Variants in SLC25A29 observed in about 807,000 individuals in gnomAD.
SLC25A29 encodes the protein mitochondrial basic amino acids transporter.
Under a neutral mutation model 10.0 loss-of-function variants are expected in SLC25A29, and 13 were observed. The ratio of observed to expected loss-of-function variants is 1.30; its 90% CI spans 0.85 to 2.07. The LOEUF is 2.07. Ranked by LOEUF, SLC25A29 falls within the 30% of genes most tolerant of loss-of-function variation. The pLI is 0.00. For missense variants in SLC25A29, 475 were observed against 447.6 expected (o/e 1.06, Z -0.55); for synonymous variants, 244 against 221.1 (o/e 1.10, Z -0.92).
At chr14:100,289,215 G>A (rs1256403985), downstream of SLC25A29, among the ~76,000 whole-genome samples, 3 of 152,224 alleles carry the variant, frequency 2.0e-5, no homozygotes, top group Admixed American at 2.0e-4. Flanking sequence ...AGGACACTTG[G>A]CTATTGTTTA....
chr14:100,285,674 C>T, the SLC25A29 span, among the ~76,000 whole-genome samples: 2 of 152,088 alleles, frequency 1.3e-5, no homozygotes, highest in African/African-American at 4.8e-5. Flanking sequence ...TGCACCCCAC[C>T]TGCCCGAGGC....
intron 1 of SLC25A29, among the ~76,000 whole-genome samples, chr14:100,302,169 CCGAA>C: frequency 6.6e-6 from 1 of 151,956 alleles, no homozygotes; most frequent in Non-Finnish European, 1.5e-5. Context: ...TTTCAGCCTC[CCGAA>C]TAGCTGGAAT....
At chr14:100,301,459 C>A (rs1892542570) in intron 1 of SLC25A29, among the ~76,000 whole-genome samples, 1 of 152,030 alleles carries the variant, frequency 6.6e-6, no homozygotes, top group Non-Finnish European at 1.5e-5. Context: ...GCCACCACGC[C>A]CAGCTATTTA....
chr14:100,286,508 G>T (rs531267435), downstream of SLC25A29, among the ~76,000 whole-genome samples: 7 of 151,796 alleles, frequency 4.6e-5, no homozygotes, highest in East Asian at 1.4e-3. Flanking sequence ...GCGCTGGTGG[G>T]GGCGTCTGGC....
chr14:100,293,168 G>GGTCCTGACTGGCCTCCTGGTC, intron 3 of SLC25A29, 126 bp downstream of exon 3: 2 of 1,454,850 alleles, frequency 1.4e-6, no homozygotes, highest in Non-Finnish European at 1.8e-6. Flanking sequence ...TTAGAACCTA[G>GGTCCTGACTGGCCTCCTGGTC]GTCCTGACTG....
rs774723504 is a variant in SLC25A29 at position 100,292,956 on chromosome 14, T to C, written c.239A>G (p.Gln80Arg). The C allele has an allele frequency of 1.9e-6, 3 of 1,604,622 alleles. No individual in the cohort carries two copies. In the African/African-American group the frequency reaches 4.0e-5, roughly 21 times the overall value. ...TFINALVFGV[Q>R]GNTLRALGHD... Reference sequence around the variant, plus strand: ...GCCCAGGGCCCGGAGGGTGTTGCCCTGCACCCCGAACACCAGCGCGTTGAT... The same window carrying C: ...GCCCAGGGCCCGGAGGGTGTTGCCCCGCACCCCGAACACCAGCGCGTTGAT... The change falls in exon 4 of 4, where the codon CAG becomes CGG. Residue 80 changes from glutamine (Q) to arginine (R), a missense_variant. By Grantham distance (43) the Gln-to-Arg change is conservative. Coordinates refer to ENST00000359232, the MANE Select transcript of SLC25A29 (RefSeq NM_001039355.3).
At position 100,292,271 on chromosome 14, in the gene SLC25A29, GC is replaced by G; in HGVS notation, c.*11del. On this transcript the variant is annotated 3_prime_UTR_variant, in exon 4 of 4. Coordinates refer to ENST00000359232, the MANE Select transcript of SLC25A29 (RefSeq NM_001039355.3). ...TGAGAAGGAGCCCTGGGGAAGGAGG[GC>G]GGGGTGAGCGTCACAGGCTGGAGGG... The G allele has an allele frequency of 1.3e-6, 2 of 1,533,754 alleles. No individual in the cohort carries two copies. Among genetic ancestry groups the G allele is most frequent in the Non-Finnish European group, 8.8e-7 (1 of 1,141,304 alleles).
At chr14:100,285,429 T>C in the SLC25A29 span, among the ~76,000 whole-genome samples, 6 of 151,516 alleles carry the variant, frequency 4.0e-5, no homozygotes, top group African/African-American at 1.5e-4. Context: ...AGGAGGGCAC[T>C]GTGCCAGCGG....
rs1353012455 is a variant in SLC25A29, at chr14:100,292,157, C to T, written c.*126G>A. The T allele has an allele frequency of 1.5e-6, 2 of 1,301,732 alleles. No individual in the cohort carries two copies. Among genetic ancestry groups the T allele is most frequent in the African/African-American group, 1.5e-5 (1 of 67,258 alleles). 80.6% of individuals were successfully genotyped at this position (1,301,732 alleles called of 1,614,324 possible). ...AACTACCCAGCTGATCAGCAAAATTCAGCCCACGTCTGATAGACTCCACAG... is the reference window on the plus strand; with the variant it reads ...AACTACCCAGCTGATCAGCAAAATTTAGCCCACGTCTGATAGACTCCACAG... On this transcript the variant is annotated 3_prime_UTR_variant, in exon 4 of 4. Coordinates refer to ENST00000359232, the MANE Select transcript of SLC25A29 (RefSeq NM_001039355.3).
chr14:100,305,937 T>C, intron 1 of SLC25A29: 1 of 376,092 alleles, frequency 2.7e-6, no homozygotes, highest in East Asian at 4.0e-5. Context: ...TGGCCTCCGC[T>C]CAGCCACGGT....
chr14:100,286,898 G>GCA (rs962752202), downstream of SLC25A29, among the ~76,000 whole-genome samples: 11 of 152,206 alleles, frequency 7.2e-5, no homozygotes, highest in African/African-American at 2.7e-4. Flanking sequence ...GGCTCCTGGC[G>GCA]CTGGCTTCAG....
At chr14:100,283,677 T>A in the SLC25A29 span, among the ~76,000 whole-genome samples, 1 of 151,780 alleles carries the variant, frequency 6.6e-6, no homozygotes, top group African/African-American at 2.4e-5. Context: ...AGATGGGGGT[T>A]TCACTATGTT....
chr14:100,288,233 A>G (rs1197659999), downstream of SLC25A29, among the ~76,000 whole-genome samples: 1 of 152,012 alleles, frequency 6.6e-6, no homozygotes, highest in East Asian at 1.9e-4. Context: ...AACACAAAAA[A>G]TTAGCAGGGC....
At chr14:100,298,718 G>A (rs191631814) in intron 2 of SLC25A29, 124 bp downstream of exon 2, 51 of 1,231,080 alleles carry the variant, frequency 4.1e-5, no homozygotes, top group East Asian at 3.5e-4. Context: ...GGTTCAACCC[G>A]GCCTGGTGTA....
chr14:100,292,639 G>A lies in SLC25A29; in HGVS notation c.556C>T (p.Arg186Cys), dbSNP rs752654626. The change falls in exon 4 of 4, where the codon CGC becomes TGC. Residue 186 changes from arginine (R) to cysteine (C), a missense_variant. Coordinates refer to ENST00000359232, the MANE Select transcript of SLC25A29 (RefSeq NM_001039355.3). ...TRALGCEPGD[R>C]LLVPKLLLAG... ...AACAGCAGCTTGGGCACCAGCAGGC[G>A]GTCGCCCGGCTCGCAGCCCAGCGCC... 1.9e-6 allele frequency: 3 copies of A among 1,595,816 alleles called. No homozygotes were observed. The highest frequency in any genetic ancestry group is 2.7e-5 in the African/African-American group (2 of 74,702).
rs1381357320 is a variant in SLC25A29, at chr14:100,299,196, G to A, written c.35-311C>T. On this transcript the variant is annotated intron_variant, in intron 1 of 3. Transcript: ENST00000359232. Reference sequence around the variant, plus strand: ...TGGCTGACAGCAGAAGTTGTCCCCTGGGAGGCTGCACACACTATTTCTGGG... The same window carrying A: ...TGGCTGACAGCAGAAGTTGTCCCCTAGGAGGCTGCACACACTATTTCTGGG... 3.1e-6 allele frequency: 4 copies of A among 1,270,380 alleles called. No individual in the cohort carries two copies. In the Admixed American group the frequency reaches 1.2e-4, roughly 37 times the overall value. 78.7% of individuals were successfully genotyped at this position (1,270,380 alleles called of 1,614,324 possible). A position where few individuals can be genotyped will look rare whatever the true frequency, so the allele number is the denominator to read the frequency against.
At chr14:100,282,385 A>G in the SLC25A29 span, 1 of 152,106 alleles carries the variant, frequency 6.6e-6, no homozygotes, top group Non-Finnish European at 1.5e-5. Flanking sequence ...GGGGCCGCAC[A>G]ATGTCCGCAC....
In SLC25A29 at chr14:100,292,673, A is replaced by AGC. The variant is rs755310275; in HGVS notation, c.520_521dup (p.Thr176SerfsTer172). On this transcript the variant is annotated frameshift_variant, in exon 4 of 4. Transcript: ENST00000359232. LOFTEE classifies it low-confidence loss of function (END_TRUNC). ...GCTCGCAGCCCAGCGCCCGCGTGAG[A>AGC]GCGTCATAGGTGAGGAAGTAGACGC... is the stretch of plus-strand genomic sequence containing the variant. The AGC allele has an allele frequency of 2.5e-4, 398 of 1,601,914 alleles. 1 individual carries two copies. Among genetic ancestry groups the AGC allele is most frequent in the South Asian group, 4.4e-4 (39 of 89,428 alleles).
chr14:100,285,598 C>T, the SLC25A29 span, among the ~76,000 whole-genome samples: 3 of 152,088 alleles, frequency 2.0e-5, no homozygotes, highest in Non-Finnish European at 2.9e-5. Flanking sequence ...GTCCCCCGCG[C>T]GGAGTGAGCC....
Sources: allele counts gnomAD v4.1 joint callset (sites outside exome capture counted in the v4.1 genomes callset), GRCh38; gene constraint gnomAD v4.1.1; transcripts MANE v1.5; gene names NCBI Gene and HGNC (gene_info 2026-07-23, HGNC 2026-07-21).